The following MINDY3 variants were observed in gnomAD, a reference collection of about 807,000 sequenced individuals.
The protein encoded by MINDY3 is ubiquitin carboxyl-terminal hydrolase MINDY-3.
A neutral mutation model predicts 69.2 loss-of-function variants in MINDY3; 38 were observed. That is an observed-to-expected ratio of 0.55 (90% confidence interval 0.42 to 0.72). The LOEUF (loss-of-function observed/expected upper bound fraction) is 0.72, where lower values mean the gene tolerates loss of function less well. Ranked by LOEUF, MINDY3 falls within the 30% of genes least tolerant of loss-of-function variation. The pLI is 0.00. For synonymous variants in MINDY3, 192 were observed against 180.1 expected, an observed-to-expected ratio of 1.07 and a Z score of -0.53; for missense variants, 522 against 519.0, an observed-to-expected ratio of 1.01 and a Z score of -0.06.
At chr10:15,784,603 G>C (rs964879924) in intron 13 of MINDY3, among the ~76,000 whole-genome samples, 1 of 152,116 alleles carries the variant, frequency 6.6e-6, no homozygotes, top group African/African-American at 2.4e-5. Context: ...AAATTAGCCA[G>C]GCCACCATAT....
chr10:15,782,308 T>C (rs1298531096), intron 13 of MINDY3, 82 bp from the exon 14 acceptor site: 2 of 957,166 alleles, frequency 2.1e-6, no homozygotes, highest in Non-Finnish European at 3.1e-6. Context: ...AAAATGCATG[T>C]TTCTCAAATC....
chr10:15,780,403 C>G (rs921057418), intron 14 of MINDY3, among the ~76,000 whole-genome samples: 1 of 152,184 alleles, frequency 6.6e-6, no homozygotes, highest in Non-Finnish European at 1.5e-5. Context: ...GTCCCCAAAG[C>G]AAAACTGCCT....
chr10:15,848,373 G>T (rs997213790), intron 1 of MINDY3, among the ~76,000 whole-genome samples: 1 of 151,972 alleles, frequency 6.6e-6, no homozygotes, highest in Admixed American at 6.6e-5. Context: ...AGTGGCTCAC[G>T]CCTGTAATCC....
chr10:15,785,256 AGGAAC>A (rs1247718321), intron 13 of MINDY3, among the ~76,000 whole-genome samples: 1 of 152,136 alleles, frequency 6.6e-6, no homozygotes, highest in Admixed American at 6.6e-5. Context: ...ACAGTGAGAG[AGGAAC>A]ACAGAGGCAA....
At chr10:15,796,270 A>G (rs1837819174) in intron 10 of MINDY3, 98 bp from the exon 11 acceptor site, 2 of 918,950 alleles carry the variant, frequency 2.2e-6, no homozygotes, top group Admixed American at 1.9e-5. Context: ...CATTGGAGTC[A>G]GAAGACTTTG....
At chr10:15,815,158 T>C (rs897289405) in intron 10 of MINDY3, among the ~76,000 whole-genome samples, 1 of 152,342 alleles carries the variant, frequency 6.6e-6, no homozygotes, top group African/African-American at 2.4e-5. Context: ...ATTTATAAAA[T>C]GAAATCCTCA....
chr10:15,835,682 C>T (rs888929238), intron 6 of MINDY3, among the ~76,000 whole-genome samples: 9 of 152,026 alleles, frequency 5.9e-5, no homozygotes, highest in Admixed American at 3.9e-4. Context: ...GAATACTGAA[C>T]AGTCAAGAAG....
intron 10 of MINDY3, among the ~76,000 whole-genome samples, chr10:15,810,475 G>C (rs1368266097): frequency 6.6e-6 from 1 of 152,112 alleles, no homozygotes; most frequent in African/African-American, 2.4e-5. Flanking sequence ...AGGTAGGATA[G>C]CAAAAGCTAG....
intron 10 of MINDY3, among the ~76,000 whole-genome samples, chr10:15,805,995 C>A (rs1395054371): frequency 2.6e-5 from 4 of 151,994 alleles, no homozygotes; most frequent in Non-Finnish European, 5.9e-5. Flanking sequence ...TTCCTTTTTG[C>A]CATCACCACG....
At chr10:15,854,957 A>G (rs535818463) in intron 1 of MINDY3, among the ~76,000 whole-genome samples, 4 of 152,260 alleles carry the variant, frequency 2.6e-5, no homozygotes, top group African/African-American at 9.6e-5. Context: ...GAATAAGGAA[A>G]GGGACCCTAG....
chr10:15,836,149 C>T (rs2132066895), intron 6 of MINDY3, among the ~76,000 whole-genome samples: 1 of 152,114 alleles, frequency 6.6e-6, no homozygotes, highest in African/African-American at 2.4e-5. Context: ...GTGTCTTATG[C>T]TACAGTAAGG....
rs148162120 is a variant in MINDY3 at position 15,806,266 on chromosome 10, C to A, written c.883-10094G>T. Among the ~76,000 whole-genome samples, 499 of 152,248 alleles carry A rather than the reference C, an allele frequency of 3.3e-3. 2 individuals are homozygous for A. Among genetic ancestry groups the A allele is most frequent in the African/African-American group, 0.011 (475 of 41,550 alleles). ...CTCTTGTGTCTTCCCTCATGCTATC[C>A]AGTAACTCTGACCTTAACAATGTAA... On this transcript the variant is annotated intron_variant, in intron 10 of 14. Coordinates refer to ENST00000277632, the MANE Select transcript of MINDY3 (RefSeq NM_024948.4).
intron 8 of MINDY3, among the ~76,000 whole-genome samples, chr10:15,825,571 A>G (rs1420643319): frequency 6.6e-6 from 1 of 152,206 alleles, no homozygotes; most frequent in African/African-American, 2.4e-5. Context: ...TCAGTTTCTG[A>G]CTGCATTTTT....
At chr10:15,830,207 A>T (rs935235321) in intron 8 of MINDY3, among the ~76,000 whole-genome samples, 4 of 152,164 alleles carry the variant, frequency 2.6e-5, no homozygotes, top group African/African-American at 9.7e-5. Context: ...GATGATTTTA[A>T]ATTTCTCCCA....
intron 13 of MINDY3, 45 bp downstream of exon 13, chr10:15,786,516 C>A (rs1403749897): frequency 1.8e-6 from 2 of 1,131,006 alleles, no homozygotes; most frequent in Admixed American, 1.9e-5. Flanking sequence ...CACAGGTAAT[C>A]ATCCCAACAG....
intron 5 of MINDY3, 57 bp from the exon 6 acceptor site, chr10:15,837,375 A>G: frequency 7.3e-7 from 1 of 1,364,570 alleles, no homozygotes. Flanking sequence ...TACATTCATA[A>G]AAGGGAAAAT....
chr10:15,834,732 C>A, intron 6 of MINDY3, 116 bp from the exon 7 acceptor site: 1 of 632,416 alleles, frequency 1.6e-6, no homozygotes, highest in Non-Finnish European at 2.7e-6. Context: ...AACTTTTCTA[C>A]CACAAGTAAC....
At chr10:15,828,552 CGTGA>C (rs1588606463) in intron 8 of MINDY3, among the ~76,000 whole-genome samples, 2 of 148,720 alleles carry the variant, frequency 1.3e-5, no homozygotes, top group Non-Finnish European at 3.0e-5. Flanking sequence ...GACATGCATA[CGTGA>C]GTATCTCAAT....
chr10:15,842,287 G>C (rs370914075), intron 3 of MINDY3, among the ~76,000 whole-genome samples: 2 of 151,758 alleles, frequency 1.3e-5, no homozygotes, highest in African/African-American at 2.4e-5. Flanking sequence ...TCTCCTAATG[G>C]ATTAACAGTT....
Sources: gnomAD v4.1 joint callset for allele counts (sites outside exome capture counted in the v4.1 genomes callset) on GRCh38, gnomAD v4.1.1 for gene constraint, MANE v1.5 for transcripts, NCBI Gene and HGNC (gene_info 2026-07-23, HGNC 2026-07-21) for gene names.